Variants in CAMTA1 observed in about 807,000 individuals in gnomAD.
CAMTA1 encodes calmodulin binding transcription activator 1, also known as calmodulin-binding transcription activator 1.
Under a neutral mutation model 170.9 loss-of-function variants are expected in CAMTA1, and 27 were observed. The observed-to-expected ratio is 0.16, with a 90% confidence interval of 0.12 to 0.22. CAMTA1 has a LOEUF of 0.22. Among genes scored for constraint, CAMTA1 ranks in the 10% least tolerant of loss-of-function variants. The pLI, the probability that CAMTA1 is intolerant of heterozygous loss-of-function variation, is 1.00. For synonymous variants in CAMTA1, 833 were observed against 891.5 expected, an observed-to-expected ratio of 0.93 and a Z score of 1.17; for missense variants, 1,619 against 2,217.2, an observed-to-expected ratio of 0.73 and a Z score of 5.42.
intron 3 of CAMTA1, among the ~76,000 whole-genome samples, chr1:7,058,895 A>ACTCT (rs55691655): frequency 6.6e-6 from 1 of 151,176 alleles, no homozygotes; most frequent in Non-Finnish European, 1.5e-5. Flanking sequence ...ACACACACAC[A>ACTCT]CTCTCTCTCT....
intron 9 of CAMTA1, among the ~76,000 whole-genome samples, chr1:7,670,211 C>T (rs2096046233): frequency 6.6e-6 from 1 of 152,168 alleles, no homozygotes; most frequent in Non-Finnish European, 1.5e-5. Flanking sequence ...CCTTTGATAG[C>T]ACAGGGTTGG....
intron 3 of CAMTA1, among the ~76,000 whole-genome samples, chr1:6,910,237 G>A (rs1679415237): frequency 6.6e-6 from 1 of 152,190 alleles, no homozygotes; most frequent in Non-Finnish European, 1.5e-5. Context: ...TCATAATTAA[G>A]GTTCACTATT....
chr1:7,283,295 G>T (rs926578290), intron 5 of CAMTA1, among the ~76,000 whole-genome samples: 7 of 152,134 alleles, frequency 4.6e-5, no homozygotes, highest in Middle Eastern at 3.2e-3. Context: ...CCTTGCATAT[G>T]CTTTGTGATC....
chr1:7,712,930 T>C (rs2096582000), intron 11 of CAMTA1, among the ~76,000 whole-genome samples: 1 of 152,114 alleles, frequency 6.6e-6, no homozygotes, highest in African/African-American at 2.4e-5. Flanking sequence ...TTATTCACTA[T>C]CACGAGAACA....
chr1:7,579,852 G>A (rs943548627), intron 6 of CAMTA1, among the ~76,000 whole-genome samples: 5 of 152,146 alleles, frequency 3.3e-5, no homozygotes, highest in South Asian at 4.1e-4. Context: ...GAGCCACCGC[G>A]CCCAGCCTTA....
chr1:6,929,744 G>T (rs545407679), intron 3 of CAMTA1, among the ~76,000 whole-genome samples: 1 of 152,346 alleles, frequency 6.6e-6, no homozygotes, highest in East Asian at 1.9e-4. Context: ...TGATCTGCCT[G>T]CCTCGGCCTC....
In CAMTA1 at chr1:7,248,463, T is replaced by G. The variant is rs1390832349; in HGVS notation, c.303-1028T>G. On this transcript the variant is annotated intron_variant, in intron 4 of 22. Transcript: ENST00000303635. The surrounding 1 kb of genome is among the most constrained non-coding windows in gnomAD (Gnocchi z 4.0). ...AGAATCGCTGGCATTCCTCTTCCCC[T>G]GCTGCACGTTCAGGTGCAGAGTGGT... 6.6e-6 allele frequency among the ~76,000 whole-genome samples: 1 copy of G among 152,228 alleles called. No individual in the cohort carries two copies. Among genetic ancestry groups the G allele is most frequent in the Non-Finnish European group, 1.5e-5 (1 of 68,036 alleles).
intron 1 of CAMTA1, among the ~76,000 whole-genome samples, chr1:6,811,048 G>T (rs1645107661): frequency 6.6e-6 from 1 of 152,154 alleles, no homozygotes; most frequent in Non-Finnish European, 1.5e-5. Flanking sequence ...TGTGCCCTTT[G>T]TCTTCATGTG....
intron 4 of CAMTA1, among the ~76,000 whole-genome samples, chr1:7,103,685 AAC>A (rs1459606889): frequency 6.6e-6 from 1 of 151,214 alleles, no homozygotes; most frequent in Non-Finnish European, 1.5e-5. Context: ...ACATGCACAC[AAC>A]AGATACAACT....
chr1:7,255,130 C>T lies in CAMTA1; in HGVS notation c.438+5504C>T, dbSNP rs1411597539. Among the ~76,000 whole-genome samples, 9 of 152,088 alleles carry T rather than the reference C, an allele frequency of 5.9e-5. No homozygotes were observed. In the East Asian group the frequency reaches 1.4e-3, roughly 23 times the overall value. ...GGGAGGGGAACATCACATACCTGGG[C>T]CTGTCAGGGAGTCGGGGGCTAGGAG... On this transcript the variant is annotated intron_variant, in intron 5 of 22. Coordinates refer to ENST00000303635, the MANE Select transcript of CAMTA1 (RefSeq NM_015215.4).
chr1:7,214,253 C>T (rs1356678193), intron 4 of CAMTA1, among the ~76,000 whole-genome samples: 1 of 152,252 alleles, frequency 6.6e-6, no homozygotes, highest in African/African-American at 2.4e-5. Flanking sequence ...TATTTCTCCA[C>T]ATCCTCTCCA....
At chr1:7,636,445 A>G (rs894713968) in intron 6 of CAMTA1, among the ~76,000 whole-genome samples, 1 of 152,142 alleles carries the variant, frequency 6.6e-6, no homozygotes, top group Admixed American at 6.5e-5. Context: ...GGCCGGGTGC[A>G]GTGGCTCACG....
intron 3 of CAMTA1, among the ~76,000 whole-genome samples, chr1:6,895,271 G>C (rs1675381189): frequency 6.6e-6 from 1 of 152,178 alleles, no homozygotes; most frequent in Non-Finnish European, 1.5e-5. Flanking sequence ...AGTAGTTCAA[G>C]CCAGAATCTC....
chr1:7,692,384 G>A (rs1294171801), intron 11 of CAMTA1, among the ~76,000 whole-genome samples: 1 of 152,154 alleles, frequency 6.6e-6, no homozygotes, highest in Non-Finnish European at 1.5e-5. Flanking sequence ...AGAGAGGGAG[G>A]GGGTTTCTCA....
rs143515273 is a variant in CAMTA1 at position 7,515,516 on chromosome 1, C to T, written c.510+47615C>T. On this transcript the variant is annotated intron_variant, in intron 6 of 22. Transcript: ENST00000303635. ...CACCACATGGCCCAGTCAGGGGTGG[C>T]TGCACAGCCAGGGATGGGCACAGCT... 4.8e-3 allele frequency among the ~76,000 whole-genome samples: 728 copies of T among 152,298 alleles called. 8 individuals are homozygous for T. The highest frequency in any genetic ancestry group is 0.016 in the African/African-American group (684 of 41,562).
chr1:7,690,028 A>C (rs2096293242), intron 11 of CAMTA1, among the ~76,000 whole-genome samples: 1 of 151,958 alleles, frequency 6.6e-6, no homozygotes, highest in Admixed American at 6.6e-5. Context: ...GCGTGGTGGC[A>C]GGCGCCTGTA....
chr1:7,493,267 G>T (rs1199312296), intron 6 of CAMTA1, among the ~76,000 whole-genome samples: 1 of 71,894 alleles, frequency 1.4e-5, no homozygotes, highest in Non-Finnish European at 2.5e-5. Flanking sequence ...ACGTACACAC[G>T]CACACAAACA....
chr1:7,240,389 T>G (rs1213622366), intron 4 of CAMTA1, among the ~76,000 whole-genome samples: 4 of 152,082 alleles, frequency 2.6e-5, no homozygotes, highest in Non-Finnish European at 4.4e-5. Flanking sequence ...GAGCAATTAG[T>G]TTTTTGTTTG....
At chr1:7,461,752 G>C (rs1043406423) in intron 5 of CAMTA1, among the ~76,000 whole-genome samples, 1 of 152,246 alleles carries the variant, frequency 6.6e-6, no homozygotes, top group African/African-American at 2.4e-5. Flanking sequence ...CCTAGAAAAG[G>C]TCTTCATGGC....
Sources: allele counts gnomAD v4.1 joint callset (sites outside exome capture counted in the v4.1 genomes callset), GRCh38; gene constraint gnomAD v4.1.1; non-coding constraint Gnocchi (gnomAD v3.1); transcripts MANE v1.5; gene names NCBI Gene and HGNC (gene_info 2026-07-23, HGNC 2026-07-21).